The following EHBP1 variants were observed in gnomAD, a reference collection of about 807,000 sequenced individuals.
The protein encoded by EHBP1 is EH domain binding protein 1, also known as EH domain-binding protein 1.
In EHBP1, 55 loss-of-function variants were observed where a neutral mutation model predicts 144.0. That is an observed-to-expected ratio of 0.38 (90% confidence interval 0.31 to 0.48). The LOEUF (loss-of-function observed/expected upper bound fraction) is 0.48. Ranked by LOEUF, EHBP1 falls within the 20% of genes least tolerant of loss-of-function variation. EHBP1 has a pLI of 0.98. For missense variants in EHBP1, 1,200 were observed against 1,364.2 expected, an observed-to-expected ratio of 0.88 and a Z score of 1.90; for synonymous variants, 469 against 472.7, an observed-to-expected ratio of 0.99 and a Z score of 0.10.
At chr2:62,946,197 T>C (rs918783860) in intron 12 of EHBP1, among the ~76,000 whole-genome samples, 2 of 152,258 alleles carry the variant, frequency 1.3e-5, no homozygotes, top group East Asian at 3.8e-4. Flanking sequence ...ATTATAAATG[T>C]GTAAAGAATA....
intron 2 of EHBP1, among the ~76,000 whole-genome samples, chr2:62,714,013 A>T (rs561402770): frequency 6.6e-6 from 1 of 152,294 alleles, no homozygotes; most frequent in African/African-American, 2.4e-5. Context: ...ATGTCTACAC[A>T]TGACTCAAAA....
intron 5 of EHBP1, among the ~76,000 whole-genome samples, chr2:62,773,835 A>G (rs1393166899): frequency 7.3e-6 from 1 of 137,680 alleles, no homozygotes; most frequent in African/African-American, 2.8e-5. Context: ...TAGGTGATAC[A>G]GCAAGACTCC....
intron 14 of EHBP1, among the ~76,000 whole-genome samples, chr2:62,966,901 TA>T (rs1051156391): frequency 2.0e-5 from 3 of 152,160 alleles, no homozygotes; most frequent in Non-Finnish European, 2.9e-5. Flanking sequence ...TAACAGTTTT[TA>T]AAAGCTTTCT....
At chr2:63,041,315 C>A (rs142652801) in intron 21 of EHBP1, among the ~76,000 whole-genome samples, 1 of 152,090 alleles carries the variant, frequency 6.6e-6, no homozygotes, top group Non-Finnish European at 1.5e-5. Flanking sequence ...CTTTTAGATA[C>A]TTTTCCTATA....
chr2:62,831,239 C>A, intron 7 of EHBP1, 81 bp downstream of exon 7: 1 of 1,352,884 alleles, frequency 7.4e-7, no homozygotes, highest in Non-Finnish European at 1.0e-6. Context: ...CAGGAAAAAA[C>A]AATTCTACTT....
At chr2:62,996,385 C>A (rs1411108633) in intron 18 of EHBP1, among the ~76,000 whole-genome samples, 3 of 151,996 alleles carry the variant, frequency 2.0e-5, no homozygotes, top group Non-Finnish European at 4.4e-5. Flanking sequence ...TTAGCATTAA[C>A]TTTTAAAATC....
At chr2:62,935,051 C>T (rs998635696) in intron 10 of EHBP1, among the ~76,000 whole-genome samples, 8 of 151,988 alleles carry the variant, frequency 5.3e-5, no homozygotes, top group Non-Finnish European at 1.2e-4. Flanking sequence ...CCATCTTGGC[C>T]GGGCACGGTG....
Position 62,955,667 on chromosome 2 carries a change from A to G in EHBP1, c.2460+7A>G, listed in dbSNP as rs769428989. 35 of 1,600,326 alleles carry G rather than the reference A, an allele frequency of 2.2e-5. No individual in the cohort carries two copies. The highest frequency in any genetic ancestry group is 3.0e-5 in the Non-Finnish European group (35 of 1,174,632). ...CAACAGGCAGCTAAGTGATGTGAGG[A>G]GCATTGGTTAAAAAAGACCATAAGT... On this transcript the variant is annotated splice_region_variant and intron_variant, in intron 14 of 22. Coordinates refer to ENST00000431489, the MANE Select transcript of EHBP1 (RefSeq NM_001142616.3).
At chr2:62,728,806 T>G in intron 2 of EHBP1, among the ~76,000 whole-genome samples, 1 of 152,206 alleles carries the variant, frequency 6.6e-6, no homozygotes, top group South Asian at 2.1e-4. Flanking sequence ...CTTTTGGTGT[T>G]GTGCCTTCTT....
At chr2:62,758,741 A>T (rs2040514168) in intron 3 of EHBP1, among the ~76,000 whole-genome samples, 1 of 152,142 alleles carries the variant, frequency 6.6e-6, no homozygotes, top group Admixed American at 6.5e-5. Flanking sequence ...TCATGGCATT[A>T]CCACCTTTAC....
chr2:62,774,422 T>C (rs2041913191), intron 5 of EHBP1, among the ~76,000 whole-genome samples: 2 of 151,812 alleles, frequency 1.3e-5, no homozygotes, highest in Non-Finnish European at 2.9e-5. Context: ...GAAATGTTCT[T>C]AGACATTTTC....
intron 2 of EHBP1, among the ~76,000 whole-genome samples, chr2:62,718,537 T>C (rs2035910185): frequency 6.6e-6 from 1 of 152,208 alleles, no homozygotes. Context: ...TGGGGTGCTT[T>C]GCAAATATGG....
At chr2:62,871,314 G>A (rs1464826824) in intron 9 of EHBP1, among the ~76,000 whole-genome samples, 1 of 152,130 alleles carries the variant, frequency 6.6e-6, no homozygotes, top group African/African-American at 2.4e-5. Context: ...GAATCATTGG[G>A]TGTTTCCTTT....
intron 10 of EHBP1, among the ~76,000 whole-genome samples, chr2:62,875,346 G>A (rs572690216): frequency 1.3e-5 from 2 of 152,358 alleles, no homozygotes; most frequent in South Asian, 4.1e-4. Context: ...ACCAGGCCCT[G>A]TGGGTTAGAG....
intron 2 of EHBP1, among the ~76,000 whole-genome samples, chr2:62,731,031 T>C (rs1328050691): frequency 6.6e-6 from 1 of 151,118 alleles, no homozygotes; most frequent in Non-Finnish European, 1.5e-5. Flanking sequence ...CTTGGTAATA[T>C]TGAGTCTTTC....
At chr2:62,970,183 G>C (rs760172553) in intron 14 of EHBP1, among the ~76,000 whole-genome samples, 3 of 150,360 alleles carry the variant, frequency 2.0e-5, no homozygotes, top group Non-Finnish European at 4.4e-5. Flanking sequence ...AGTTCTTTCA[G>C]TTTACTACAA....
At chr2:62,977,165 C>T (rs1342845027) in intron 14 of EHBP1, among the ~76,000 whole-genome samples, 2 of 151,052 alleles carry the variant, frequency 1.3e-5, no homozygotes, top group African/African-American at 4.9e-5. Context: ...TGATGATTCC[C>T]CTAGACTTAA....
chr2:62,858,397 T>C, intron 7 of EHBP1: 1 of 1,577,072 alleles, frequency 6.3e-7, no homozygotes, highest in Non-Finnish European at 8.7e-7. Flanking sequence ...GACTGGCTTC[T>C]GTTTACAGAA....
At chr2:63,037,319 T>C (rs2061480954) in intron 19 of EHBP1, among the ~76,000 whole-genome samples, 1 of 152,002 alleles carries the variant, frequency 6.6e-6, no homozygotes, top group African/African-American at 2.4e-5. Flanking sequence ...GATCTATCGG[T>C]ATGTTCACGG....
Sources: gnomAD v4.1 joint callset for allele counts (sites outside exome capture counted in the v4.1 genomes callset) on GRCh38, gnomAD v4.1.1 for gene constraint, MANE v1.5 for transcripts, NCBI Gene and HGNC (gene_info 2026-07-23, HGNC 2026-07-21) for gene names.